The following VPS52 variants were observed in gnomAD, a reference collection of about 807,000 sequenced individuals.
The protein encoded by VPS52 is vacuolar protein sorting-associated protein 52 homolog.
In VPS52, 56 loss-of-function variants were observed where a neutral mutation model predicts 98.7. That is an observed-to-expected ratio of 0.57 (90% CI 0.46 to 0.71). The LOEUF is 0.71. Among genes scored for constraint, VPS52 ranks in the 30% least tolerant of loss-of-function variants. The probability of loss-of-function intolerance (pLI) is 0.00; values close to 1 mark genes in which losing one functional copy is unlikely to be tolerated. For missense variants in VPS52, 742 were observed against 925.9 expected (o/e 0.80, Z 2.58); for synonymous variants, 348 against 346.4 (o/e 1.00, Z -0.05).
intron 12 of VPS52, among the ~76,000 whole-genome samples, chr6:33,265,945 C>T (rs982222958): frequency 6.6e-6 from 1 of 152,018 alleles, no homozygotes; most frequent in African/African-American, 2.4e-5. Context: ...TGGCTCACTG[C>T]AATCTCCTCC....
chr6:33,264,280 G>A lies in VPS52; in HGVS notation c.1524+94C>T, dbSNP rs375050499. 3.7e-4 allele frequency: 580 copies of A among 1,575,634 alleles called. 9 individuals are homozygous for A. In the East Asian group the frequency reaches 9.0e-3, roughly 24 times the overall value. ...CTCCCAGAACACCTGCTCATAGCGTGGCCCATGACACAACTGTGACCTTGG... is the reference window on the plus strand; with the variant it reads ...CTCCCAGAACACCTGCTCATAGCGTAGCCCATGACACAACTGTGACCTTGG... On this transcript the variant is annotated intron_variant, in intron 14 of 19. Transcript: ENST00000445902.
chr6:33,269,098 T>C lies in VPS52; in HGVS notation c.464A>G (p.Asn155Ser). The C allele has an allele frequency of 6.2e-7, 1 of 1,612,998 alleles. No homozygotes were observed. Among genetic ancestry groups the C allele is most frequent in the East Asian group, 2.2e-5 (1 of 44,884 alleles). ...TGCCTGGCGATTTCGAAGTCGAATGTTCATGGCTCCTGACTGTTCCTGCAG... is the reference window on the plus strand; with the variant it reads ...TGCCTGGCGATTTCGAAGTCGAATGCTCATGGCTCCTGACTGTTCCTGCAG... ...RTLQEQSGAMNIRLRNRQAVR... is the reference protein window; with the variant it reads ...RTLQEQSGAMSIRLRNRQAVR... Residue 155 changes from asparagine (N) to serine (S), a missense_variant, in exon 6 of 20, where the codon AAC (asparagine) becomes AGC (serine). Asn to Ser is a conservative substitution (Grantham distance 46). Transcript: ENST00000445902.
rs1288516087 is a variant in VPS52 at position 33,268,002 on chromosome 6, G to C, written c.801-5C>G. 6.2e-7 allele frequency: 1 copy of C among 1,612,992 alleles called. No homozygotes were observed. The highest frequency in any genetic ancestry group is 1.1e-5 in the South Asian group (1 of 91,082). On this transcript the variant is annotated splice_region_variant and splice_polypyrimidine_tract_variant and intron_variant, in intron 8 of 19. Transcript: ENST00000445902. This position sits in a 1 kb window ranked among gnomAD's most constrained non-coding sequence, Gnocchi z 4.0. ...AGCAGAAACTGATAGAAGAACCTAG[G>C]GGGTCAGGAACATGTCAGTCTACCT...
In VPS52 at chr6:33,271,837, C is replaced by T. The variant is rs1765142944; in HGVS notation, c.-162G>A. On this transcript the variant is annotated 5_prime_UTR_variant, in exon 1 of 20. Coordinates refer to ENST00000445902, the MANE Select transcript of VPS52 (RefSeq NM_022553.6). ...CCCCTTTCAGCTCTAACCACTTCAC[C>T]CAACTGCAAATGGAAATATGGAAGT... 16 of 1,400,664 alleles carry T rather than the reference C, an allele frequency of 1.1e-5. No individual in the cohort carries two copies. Among genetic ancestry groups the T allele is most frequent in the Non-Finnish European group, 1.5e-5 (16 of 1,062,668 alleles). The allele number at this position is 1,400,664 out of a possible 1,614,324, so 86.8% of individuals were successfully genotyped here.
rs768419925 is a variant in VPS52, at chr6:33,264,484, C to T, written c.1414G>A (p.Val472Met). 4 of 1,614,148 alleles carry T rather than the reference C, an allele frequency of 2.5e-6. No homozygotes were observed. Among genetic ancestry groups the T allele is most frequent in the East Asian group, 4.5e-5 (2 of 44,890 alleles). The part of the protein sequence containing the change: ...VPALDRYWEQ[V>M]LALLWPRFEL... ...AACCGTGGCCATAGCAAGGCAAGCA[C>T]CTGTTCCCAGTACCTGTGGGCTTAA... Residue 472 changes from valine (V) to methionine (M), a missense_variant, in exon 14 of 20, where the codon GTG becomes ATG. Val to Met is a conservative substitution (Grantham distance 21). Transcript: ENST00000445902.
chr6:33,251,278 G>T (rs1436226564), intron 19 of VPS52, among the ~76,000 whole-genome samples: 1 of 151,770 alleles, frequency 6.6e-6, no homozygotes, highest in Non-Finnish European at 1.5e-5. Flanking sequence ...GGAGGCAGAG[G>T]TTGCAGTGAG....
chr6:33,251,491 G>T, intron 19 of VPS52, 27 bp downstream of exon 19: 1 of 1,414,580 alleles, frequency 7.1e-7, no homozygotes, highest in Non-Finnish European at 1.0e-6. Context: ...TGGGGGATCT[G>T]AGTGGGGCCT....
intron 19 of VPS52, 36 bp downstream of exon 19, chr6:33,251,482 G>T: frequency 7.5e-7 from 1 of 1,335,698 alleles, no homozygotes; most frequent in Non-Finnish European, 1.1e-6. Flanking sequence ...AATTAATGAT[G>T]GGGGATCTGA....
At chr6:33,257,698 C>T (rs978149501) in intron 17 of VPS52, among the ~76,000 whole-genome samples, 1 of 152,172 alleles carries the variant, frequency 6.6e-6, no homozygotes, top group African/African-American at 2.4e-5. Flanking sequence ...CACACCCAGC[C>T]CAGGAATTTC....
chr6:33,266,677 G>C lies in VPS52; in HGVS notation c.1161C>G (p.Tyr387Ter). 1.9e-6 allele frequency: 3 copies of C among 1,612,520 alleles called. No individual in the cohort carries two copies. Among genetic ancestry groups the C allele is most frequent in the Non-Finnish European group, 2.5e-6 (3 of 1,179,730 alleles). Residue 387 changes from tyrosine (Y) to a stop codon, truncating the protein, a stop_gained, in exon 12 of 20, where the codon TAC becomes TAG. Transcript: ENST00000445902. LOFTEE classifies it high-confidence loss of function. ...PFEALFRSQH[Y>*]ALLDNSCREY... ...CGCGGCAGGAATTGTCTAGGAGGGC[G>C]TAGTGCTGGCTGCGGAAGAGGGCCT... is the stretch of plus-strand genomic sequence containing the variant.
chr6:33,269,442 G>A, intron 5 of VPS52, 48 bp downstream of exon 5: 3 of 1,605,218 alleles, frequency 1.9e-6, no homozygotes, highest in African/African-American at 1.3e-5. Context: ...CAGAGTCCAT[G>A]ATCTGGTTCA....
chr6:33,251,234 T>G (rs561140009), intron 19 of VPS52, among the ~76,000 whole-genome samples: 153 of 151,570 alleles, frequency 1.0e-3, no homozygotes, highest in African/African-American at 3.7e-3. Flanking sequence ...CCCAGCTACT[T>G]GGGAGGCTGA....
chr6:33,251,585 A>G lies in VPS52; in HGVS notation c.1958T>C (p.Val653Ala), dbSNP rs776247963. The change falls in exon 19 of 20, where the codon GTG becomes GCG. Residue 653 changes from valine (V) to alanine (A), a missense_variant. Physicochemically the swap from Val to Ala is moderately conservative, Grantham distance 64. Around this residue, in one of 2 missense-constraint regions of VPS52, gnomAD observed 590 missense variants for 793.3 expected, o/e 0.74. Transcript: ENST00000445902. ...CATTACATCCTGACTCAGAGATTCC[A>G]CTGATGATTTCCAGGAACTACCAAA... ...RGFGSSWKSS[V>A]ESLSQDVMRS... The G allele has an allele frequency of 1.2e-6, 2 of 1,614,064 alleles. No homozygotes were observed. The highest frequency in any genetic ancestry group is 2.2e-5 in the South Asian group (2 of 91,076).
chr6:33,258,563 A>G (rs1763276223), intron 17 of VPS52, among the ~76,000 whole-genome samples: 1 of 152,064 alleles, frequency 6.6e-6, no homozygotes, highest in East Asian at 1.9e-4. Flanking sequence ...GAACTCTTAT[A>G]AATAAAAAAT....
In VPS52 at chr6:33,268,955, G is replaced by C; in HGVS notation, c.548+59C>G. 6.3e-7 allele frequency: 1 copy of C among 1,583,734 alleles called. No individual in the cohort carries two copies. The highest frequency in any genetic ancestry group is 8.6e-7 in the Non-Finnish European group (1 of 1,163,738). ...GGAGACCCATATGGTAAATAGGGTGGGTCACCCCAGCCCATCCACCTGCTA... is the reference window on the plus strand; with the variant it reads ...GGAGACCCATATGGTAAATAGGGTGCGTCACCCCAGCCCATCCACCTGCTA... On this transcript the variant is annotated intron_variant, in intron 6 of 19. Coordinates refer to ENST00000445902, the MANE Select transcript of VPS52 (RefSeq NM_022553.6). This position sits in a 1 kb window ranked among gnomAD's most constrained non-coding sequence, Gnocchi z 4.0.
chr6:33,258,262 C>T (rs1055719821), intron 17 of VPS52, among the ~76,000 whole-genome samples: 1 of 151,798 alleles, frequency 6.6e-6, no homozygotes, highest in Non-Finnish European at 1.5e-5. Flanking sequence ...TAGCACACGC[C>T]TGTAATCCCA....
Position 33,251,894 on chromosome 6 carries a change from CTCAA to C in VPS52, c.1868_1871del (p.Ile623SerfsTer15). The C allele has an allele frequency of 6.2e-7, 1 of 1,613,350 alleles. No individual in the cohort carries two copies. Among genetic ancestry groups the C allele is most frequent in the Non-Finnish European group, 8.5e-7 (1 of 1,180,050 alleles). ...CTCGAAGTCGCTCAGCCTGTCCACG[CTCAA>C]TCAAAGCCTCAGCCTCCTTCACAAA... On this transcript the variant is annotated frameshift_variant, in exon 18 of 20. Transcript: ENST00000445902. LOFTEE classifies it high-confidence loss of function.
chr6:33,261,694 C>G (rs1468452914), intron 17 of VPS52, among the ~76,000 whole-genome samples: 3 of 152,106 alleles, frequency 2.0e-5, no homozygotes, highest in Admixed American at 2.0e-4. Flanking sequence ...CCATACCCCA[C>G]AAGCACAGGC....
rs751688180 is a variant in VPS52, at chr6:33,269,567, A to G, written c.305-10T>C. The G allele has an allele frequency of 6.2e-7, 1 of 1,606,352 alleles. No homozygotes were observed. Among genetic ancestry groups the G allele is most frequent in the Non-Finnish European group, 8.5e-7 (1 of 1,177,028 alleles). On this transcript the variant is annotated splice_polypyrimidine_tract_variant and intron_variant, in intron 4 of 19. Coordinates refer to ENST00000445902, the MANE Select transcript of VPS52 (RefSeq NM_022553.6). ...TCACTCTCTTGAATATCTGATCCAC[A>G]AAAAGTCAAGGGGCCTCATGGTGAA... is the stretch of plus-strand genomic sequence containing the variant.
Sources: allele counts gnomAD v4.1 joint callset (sites outside exome capture counted in the v4.1 genomes callset), GRCh38; gene constraint gnomAD v4.1.1; regional missense constraint gnomAD v4.1.1; non-coding constraint Gnocchi (gnomAD v3.1); transcripts MANE v1.5; gene names NCBI Gene and HGNC (gene_info 2026-07-23, HGNC 2026-07-21).